INPP4B: variants seen among roughly 807,000 people sequenced by gnomAD.
INPP4B encodes the protein inositol polyphosphate 4-phosphatase type II.
INPP4B carries 55 observed loss-of-function variants against 122.5 expected under a neutral mutation model. That is an observed-to-expected ratio of 0.45 (90% CI 0.36 to 0.56). The LOEUF is 0.56. Among genes scored for constraint, INPP4B ranks in the 20% least tolerant of loss-of-function variants. The probability of loss-of-function intolerance (pLI) is 0.00; values close to 1 mark genes in which losing one functional copy is unlikely to be tolerated. For missense variants in INPP4B, 1,000 were observed against 1,097.7 expected, an observed-to-expected ratio of 0.91 and a Z score of 1.26; for synonymous variants, 403 against 388.7, an observed-to-expected ratio of 1.04 and a Z score of -0.43.
intron 2 of INPP4B, among the ~76,000 whole-genome samples, chr4:142,484,950 T>C (rs1821029821): frequency 1.3e-5 from 2 of 152,152 alleles, no homozygotes; most frequent in African/African-American, 4.8e-5. Flanking sequence ...AATATCTGTA[T>C]AAGCAAAAGG....
intron 25 of INPP4B, among the ~76,000 whole-genome samples, chr4:142,064,992 T>C (rs1762790351): frequency 6.6e-6 from 1 of 152,168 alleles, no homozygotes; most frequent in Non-Finnish European, 1.5e-5. Flanking sequence ...AAAAATTTAG[T>C]ATTTTCAGCT....
intron 1 of INPP4B, among the ~76,000 whole-genome samples, chr4:142,785,641 G>GA (rs1347125229): frequency 6.6e-6 from 1 of 151,318 alleles, no homozygotes; most frequent in Non-Finnish European, 1.5e-5. Context: ...AATGTCAAGA[G>GA]AAAAAAGAAC....
At chr4:142,443,164 T>C (rs1295988217) in intron 3 of INPP4B, among the ~76,000 whole-genome samples, 1 of 152,110 alleles carries the variant, frequency 6.6e-6, no homozygotes, top group Admixed American at 6.5e-5. Context: ...AGCCAAAATA[T>C]ATAATGTCAT....
intron 2 of INPP4B, among the ~76,000 whole-genome samples, chr4:142,712,620 G>T (rs1763254422): frequency 6.6e-6 from 1 of 152,190 alleles, no homozygotes; most frequent in African/African-American, 2.4e-5. Flanking sequence ...ATTGTCTCAT[G>T]AATTCTAGCC....
chr4:142,122,607 G>C (rs1468510190), intron 20 of INPP4B, among the ~76,000 whole-genome samples: 1 of 151,998 alleles, frequency 6.6e-6, no homozygotes, highest in Non-Finnish European at 1.5e-5. Flanking sequence ...CACTGACCCA[G>C]GTTCATGCTA....
intron 9 of INPP4B, among the ~76,000 whole-genome samples, chr4:142,285,199 A>AGAATG (rs1752972669): frequency 6.6e-6 from 1 of 152,038 alleles, no homozygotes; most frequent in Non-Finnish European, 1.5e-5. Flanking sequence ...GATGACAATG[A>AGAATG]GAATGGGTAC....
At chr4:142,032,019 G>C (rs1312985955) in intron 25 of INPP4B, among the ~76,000 whole-genome samples, 1 of 152,120 alleles carries the variant, frequency 6.6e-6, no homozygotes, top group East Asian at 1.9e-4. Context: ...GTGTGAGACA[G>C]AGACAGAGAG....
chr4:142,705,687 A>T (rs2150775374), intron 2 of INPP4B, among the ~76,000 whole-genome samples: 1 of 152,224 alleles, frequency 6.6e-6, no homozygotes, highest in Admixed American at 6.5e-5. Flanking sequence ...TACTTTCAAC[A>T]ATCTATTAAT....
intron 7 of INPP4B, among the ~76,000 whole-genome samples, chr4:142,329,913 A>G (rs1358902934): frequency 6.6e-6 from 1 of 152,210 alleles, no homozygotes; most frequent in Non-Finnish European, 1.5e-5. Flanking sequence ...AGGGCAACAC[A>G]GCCTATGAAG....
intron 7 of INPP4B, among the ~76,000 whole-genome samples, chr4:142,396,150 A>G (rs2149059259): frequency 6.6e-6 from 1 of 152,314 alleles, no homozygotes; most frequent in East Asian, 1.9e-4. Flanking sequence ...TTTGTCAACA[A>G]AATGTATTAT....
intron 2 of INPP4B, among the ~76,000 whole-genome samples, chr4:142,541,267 A>G (rs1828912150): frequency 6.6e-6 from 1 of 152,186 alleles, no homozygotes; most frequent in South Asian, 2.1e-4. Context: ...AAAGAAACTG[A>G]GGTGTAGAGA....
chr4:142,404,446 T>G (rs1802664144), intron 6 of INPP4B, among the ~76,000 whole-genome samples: 1 of 152,204 alleles, frequency 6.6e-6, no homozygotes, highest in Non-Finnish European at 1.5e-5. Flanking sequence ...TAAATAAGTA[T>G]CTCTCATTCA....
intron 1 of INPP4B, among the ~76,000 whole-genome samples, chr4:142,751,441 A>C (rs1455353828): frequency 6.6e-6 from 1 of 151,904 alleles, no homozygotes; most frequent in Non-Finnish European, 1.5e-5. Flanking sequence ...AACAAGATGT[A>C]TTTTTCTGTA....
At chr4:142,718,381 T>C (rs1219190851) in intron 2 of INPP4B, among the ~76,000 whole-genome samples, 3 of 152,194 alleles carry the variant, frequency 2.0e-5, no homozygotes, top group African/African-American at 7.2e-5. Flanking sequence ...TCATGAGCAG[T>C]TGTCATTTAA....
At chr4:142,378,476 TGCAAGTTCAAA>T (rs1481107992) in intron 7 of INPP4B, among the ~76,000 whole-genome samples, 1 of 152,122 alleles carries the variant, frequency 6.6e-6, no homozygotes, top group African/African-American at 2.4e-5. Context: ...TTGTGTAGGT[TGCAAGTTCAAA>T]GTCAAACTAA....
At chr4:142,588,450 G>A (rs1422477215) in intron 2 of INPP4B, among the ~76,000 whole-genome samples, 3 of 151,666 alleles carry the variant, frequency 2.0e-5, no homozygotes, top group Non-Finnish European at 4.4e-5. Flanking sequence ...GACAAATAAG[G>A]AAGTGTGGCA....
intron 2 of INPP4B, among the ~76,000 whole-genome samples, chr4:142,617,657 T>C (rs2150360738): frequency 6.6e-6 from 1 of 152,202 alleles, no homozygotes; most frequent in African/African-American, 2.4e-5. Context: ...CTAGGCACTG[T>C]CTGTCTGCTT....
intron 15 of INPP4B, among the ~76,000 whole-genome samples, chr4:142,187,782 G>C (rs994450556): frequency 1.3e-5 from 2 of 151,986 alleles, no homozygotes; most frequent in African/African-American, 4.8e-5. Flanking sequence ...TTTTTGTAGA[G>C]ACAGGGTTTT....
At chr4:142,834,590 C>A (rs1326697432) in intron 1 of INPP4B, among the ~76,000 whole-genome samples, 1 of 152,032 alleles carries the variant, frequency 6.6e-6, no homozygotes, top group East Asian at 1.9e-4. Context: ...TCCATAAAAT[C>A]TTCTCATTTT....
Sources: gnomAD v4.1 joint callset for allele counts (sites outside exome capture counted in the v4.1 genomes callset) on GRCh38, gnomAD v4.1.1 for gene constraint, MANE v1.5 for transcripts, NCBI Gene and HGNC (gene_info 2026-07-23, HGNC 2026-07-21) for gene names.